The following KIF4A variants were observed in gnomAD, a reference collection of about 807,000 sequenced individuals.
KIF4A encodes the protein chromosome-associated kinesin KIF4A.
Under a neutral mutation model 105.9 loss-of-function variants are expected in KIF4A, and 7 were observed. That is an observed-to-expected ratio of 0.07 (90% CI 0.04 to 0.12). KIF4A has a LOEUF of 0.12. Ranked by LOEUF, KIF4A falls within the 10% of genes least tolerant of loss-of-function variation. The pLI is 1.00. For synonymous variants in KIF4A, 281 were observed against 331.3 expected (o/e 0.85, Z 1.65); for missense variants, 558 against 929.2 (o/e 0.60, Z 5.19).
At position 70,402,886 on chromosome X, in the gene KIF4A, A is replaced by G. The variant is rs150344298; in HGVS notation, c.2619+191A>G. Reference sequence around the variant, plus strand: ...GGCCAGTCACTTACAAAAATATAATATGACTCACAAATTGATGCCCGTTGT... The same window carrying G: ...GGCCAGTCACTTACAAAAATATAATGTGACTCACAAATTGATGCCCGTTGT... On this transcript the variant is annotated intron_variant, in intron 23 of 30. Transcript: ENST00000374403. Among the ~76,000 whole-genome samples the G allele has an allele frequency of 2.0e-3, 226 of 112,287 alleles. 6 individuals carry two copies. In the East Asian group the frequency reaches 0.053, roughly 26 times the overall value.
At chrX:70,315,831 C>T (rs1263193113) in intron 7 of KIF4A, among the ~76,000 whole-genome samples, 1 of 112,039 alleles carries the variant, frequency 8.9e-6, no homozygotes, top group African/African-American at 3.2e-5. Context: ...GGAAACCTGG[C>T]ACACTCACAT....
chrX:70,352,947 C>T (rs1296489604), intron 14 of KIF4A, among the ~76,000 whole-genome samples: 7 of 111,489 alleles, frequency 6.3e-5, no homozygotes, highest in East Asian at 5.6e-4. Flanking sequence ...CTGCATCAAC[C>T]GTCCAGCAAG....
At chrX:70,411,303 T>C (rs1442875634) in intron 28 of KIF4A, among the ~76,000 whole-genome samples, 2 of 104,855 alleles carry the variant, frequency 1.9e-5, no homozygotes, top group Admixed American at 1.0e-4. Context: ...AATTTAAAAA[T>C]TAAAAAAAAA....
At chrX:70,323,011 G>C (rs2085897563) in intron 7 of KIF4A, among the ~76,000 whole-genome samples, 1 of 109,831 alleles carries the variant, frequency 9.1e-6, no homozygotes, top group Non-Finnish European at 1.9e-5. Context: ...AGGCCTTTTT[G>C]CTCTAGCCAT....
intron 22 of KIF4A, among the ~76,000 whole-genome samples, chrX:70,396,859 C>A (rs2086261472): frequency 9.1e-6 from 1 of 110,229 alleles, no homozygotes. Flanking sequence ...CGCCTGAGGC[C>A]AGGAGTTCAA....
At chrX:70,350,483 G>A (rs1386437296) in intron 13 of KIF4A, among the ~76,000 whole-genome samples, 1 of 109,307 alleles carries the variant, frequency 9.1e-6, no homozygotes, top group African/African-American at 3.4e-5. Flanking sequence ...AGACGGGAGA[G>A]GGAGAGGGAG....
chrX:70,308,830 G>A (rs1292215756), intron 7 of KIF4A, among the ~76,000 whole-genome samples: 2 of 111,898 alleles, frequency 1.8e-5, no homozygotes, highest in African/African-American at 6.5e-5. Context: ...GGCTGGTCTC[G>A]AACTCCTGAG....
chrX:70,330,426 A>G, intron 9 of KIF4A, 94 bp downstream of exon 9: 1 of 855,054 alleles, frequency 1.2e-6, no homozygotes, highest in East Asian at 3.2e-5. Context: ...TCAGAAGTTT[A>G]GAGATGTTGG....
intron 3 of KIF4A, among the ~76,000 whole-genome samples, chrX:70,293,971 T>C (rs2085770822): frequency 8.9e-6 from 1 of 112,661 alleles, no homozygotes; most frequent in Non-Finnish European, 1.9e-5. Flanking sequence ...TCGCTTATTA[T>C]ACGTTTTTTA....
chrX:70,377,583 A>G (rs1025972221), intron 18 of KIF4A, among the ~76,000 whole-genome samples: 3 of 112,463 alleles, frequency 2.7e-5, no homozygotes, highest in African/African-American at 9.7e-5. Flanking sequence ...CTAGGTGCAC[A>G]TGAAACATTC....
At chrX:70,372,028 C>T (rs1181360242) in intron 15 of KIF4A, among the ~76,000 whole-genome samples, 8 of 106,781 alleles carry the variant, frequency 7.5e-5, no homozygotes, top group Non-Finnish European at 1.4e-4. Context: ...AGAGGCGCTC[C>T]CCACATCTCA....
At chrX:70,291,613 G>T (rs2085761291) in intron 3 of KIF4A, among the ~76,000 whole-genome samples, 1 of 111,807 alleles carries the variant, frequency 8.9e-6, no homozygotes, top group African/African-American at 3.2e-5. Context: ...TAATACAGTG[G>T]TTATTCAAGA....
chrX:70,335,525 T>C (rs1306184055), intron 10 of KIF4A, among the ~76,000 whole-genome samples: 2 of 112,351 alleles, frequency 1.8e-5, no homozygotes, highest in Non-Finnish European at 3.8e-5. Flanking sequence ...GTGATTAAGA[T>C]GGTAAGTTTT....
intron 13 of KIF4A, among the ~76,000 whole-genome samples, chrX:70,346,240 A>G (rs997535933): frequency 1.8e-5 from 2 of 112,124 alleles, no homozygotes; most frequent in Non-Finnish European, 3.8e-5. Context: ...GGCTATCACA[A>G]GGTTAAATTT....
intron 11 of KIF4A, 36 bp downstream of exon 11, chrX:70,341,967 C>T: frequency 1.7e-6 from 2 of 1,175,630 alleles, no homozygotes; most frequent in African/African-American, 1.8e-5. Flanking sequence ...GCAATCTGAA[C>T]ATTTACTAGC....
At chrX:70,347,001 G>A (rs747712364) in intron 13 of KIF4A, among the ~76,000 whole-genome samples, 7 of 111,895 alleles carry the variant, frequency 6.3e-5, no homozygotes, top group African/African-American at 2.3e-4. Context: ...GGCTTTAAGC[G>A]CTAAACTGTA....
intron 22 of KIF4A, among the ~76,000 whole-genome samples, chrX:70,401,226 C>A (rs2086280831): frequency 9.4e-6 from 1 of 106,345 alleles, no homozygotes; most frequent in African/African-American, 3.4e-5. Context: ...ATTACAGGCA[C>A]ACGCCACCAC....
At chrX:70,315,421 G>C (rs1395733976) in intron 7 of KIF4A, among the ~76,000 whole-genome samples, 2 of 112,056 alleles carry the variant, frequency 1.8e-5, no homozygotes, top group African/African-American at 6.5e-5. Flanking sequence ...ATTGCTATTG[G>C]TGTTGGTAAA....
rs1460370624 is a variant in KIF4A at position 70,343,821 on chromosome X, G to A, written c.1326-56G>A. 25 of 1,184,329 alleles carry A rather than the reference G, an allele frequency of 2.1e-5. No individual in the cohort carries two copies. The South Asian group carries it at 3.6e-4, about 17-fold the overall frequency. On this transcript the variant is annotated intron_variant, in intron 12 of 30. Transcript: ENST00000374403. ...TAGCATCTTAGTATATAATCGTGGA[G>A]CCTCTGGCCTTTGTCATATGAATAA...
Sources: allele counts gnomAD v4.1 joint callset (sites outside exome capture counted in the v4.1 genomes callset), GRCh38; gene constraint gnomAD v4.1.1; transcripts MANE v1.5; gene names NCBI Gene and HGNC (gene_info 2026-07-23, HGNC 2026-07-21).